The following PMFBP1 variants were observed in gnomAD, a reference collection of about 807,000 sequenced individuals.
PMFBP1 encodes polyamine modulated factor 1 binding protein 1.
Under a neutral mutation model 137.8 loss-of-function variants are expected in PMFBP1, and 131 were observed. That is an observed-to-expected ratio of 0.95 (90% confidence interval 0.82 to 1.10). PMFBP1 has a LOEUF of 1.10. PMFBP1 is among the 50% of genes least tolerant of loss of function. The pLI is 0.00. For synonymous variants in PMFBP1, 490 were observed against 450.4 expected, an observed-to-expected ratio of 1.09 and a Z score of -1.11; for missense variants, 1,199 against 1,175.4, an observed-to-expected ratio of 1.02 and a Z score of -0.29.
At chr16:72,137,934 G>A (rs1280744540) in intron 7 of PMFBP1, among the ~76,000 whole-genome samples, 1 of 152,118 alleles carries the variant, frequency 6.6e-6, no homozygotes, top group African/African-American at 2.4e-5. Flanking sequence ...GGGACTCAAA[G>A]CCCCACACTG....
the PMFBP1 span, among the ~76,000 whole-genome samples, chr16:72,203,851 G>T: frequency 1.3e-5 from 2 of 152,172 alleles, no homozygotes; most frequent in African/African-American, 4.8e-5. Flanking sequence ...AATCAAAACA[G>T]AGGGCAATTG....
At chr16:72,117,852 C>G (rs890961444), downstream of PMFBP1, among the ~76,000 whole-genome samples, 3 of 152,232 alleles carry the variant, frequency 2.0e-5, no homozygotes, top group African/African-American at 7.2e-5. Flanking sequence ...TTCCTCCTGT[C>G]TTTAGAGAAA....
chr16:72,207,231 G>A, the PMFBP1 span, among the ~76,000 whole-genome samples: 7 of 152,138 alleles, frequency 4.6e-5, no homozygotes, highest in Non-Finnish European at 8.8e-5. Context: ...CTGCACATGA[G>A]GAGGAGGCTG....
At chr16:72,239,322 T>C in the PMFBP1 span, among the ~76,000 whole-genome samples, 3 of 152,214 alleles carry the variant, frequency 2.0e-5, no homozygotes, top group Non-Finnish European at 4.4e-5. Flanking sequence ...GTTTGTTCTT[T>C]TGTAACCCTT....
At chr16:72,202,482 C>A in the PMFBP1 span, among the ~76,000 whole-genome samples, 1 of 152,140 alleles carries the variant, frequency 6.6e-6, no homozygotes, top group African/African-American at 2.4e-5. Context: ...CTGGCCCTGA[C>A]GTTTTTCTCT....
chr16:72,180,701 T>A (rs1307000658), upstream of PMFBP1, among the ~76,000 whole-genome samples: 1 of 151,880 alleles, frequency 6.6e-6, no homozygotes, highest in Non-Finnish European at 1.5e-5. Flanking sequence ...GCCCTCTGTA[T>A]GTGTTGTAGT....
chr16:72,151,668 G>A (rs1453107579), intron 4 of PMFBP1, among the ~76,000 whole-genome samples: 1 of 152,192 alleles, frequency 6.6e-6, no homozygotes, highest in Non-Finnish European at 1.5e-5. Flanking sequence ...TCTGTCATTT[G>A]AGATTCTTCT....
chr16:72,121,913 C>T (rs558309355), intron 19 of PMFBP1, among the ~76,000 whole-genome samples: 26 of 152,222 alleles, frequency 1.7e-4, no homozygotes, highest in Middle Eastern at 3.4e-3. Context: ...TTTATTTTCA[C>T]TTTTAGTTTA....
At chr16:72,141,741 T>C (rs1286411021) in intron 5 of PMFBP1, among the ~76,000 whole-genome samples, 1 of 152,136 alleles carries the variant, frequency 6.6e-6, no homozygotes, top group East Asian at 1.9e-4. Context: ...TGAATACTTT[T>C]GTACATAAAT....
chr16:72,231,431 T>C, the PMFBP1 span, among the ~76,000 whole-genome samples: 1 of 152,078 alleles, frequency 6.6e-6, no homozygotes, highest in East Asian at 1.9e-4. Context: ...TGCCTGAAGG[T>C]TAAAGGGAAA....
At chr16:72,154,169 A>C (rs2042947235) in intron 4 of PMFBP1, 42 bp downstream of exon 4, 3 of 1,601,378 alleles carry the variant, frequency 1.9e-6, no homozygotes, top group Non-Finnish European at 1.7e-6. Context: ...TTCTGCAGGT[A>C]CCTAAGAATG....
chr16:72,122,451 A>T (rs567199200), intron 19 of PMFBP1, among the ~76,000 whole-genome samples: 2 of 152,286 alleles, frequency 1.3e-5, no homozygotes, highest in East Asian at 3.9e-4. Context: ...AGCTTTGACC[A>T]TGAGGGGAAG....
chr16:72,203,700 G>A, the PMFBP1 span, among the ~76,000 whole-genome samples: 1 of 152,084 alleles, frequency 6.6e-6, no homozygotes, highest in Admixed American at 6.6e-5. Context: ...AGTTTCCTTG[G>A]TGCCCTGGTG....
the PMFBP1 span, among the ~76,000 whole-genome samples, chr16:72,200,910 T>C: frequency 6.6e-6 from 1 of 151,918 alleles, no homozygotes; most frequent in Admixed American, 6.6e-5. Flanking sequence ...AGAAAGGGAG[T>C]TGCCTGCTGT....
the PMFBP1 span, among the ~76,000 whole-genome samples, chr16:72,192,187 A>T: frequency 2.9e-4 from 44 of 152,246 alleles, no homozygotes; most frequent in Admixed American, 1.4e-3. Context: ...GGAAGGAGAG[A>T]GAAAGAAAGA....
At chr16:72,174,759 C>T (rs1335651888), upstream of PMFBP1, among the ~76,000 whole-genome samples, 1 of 152,166 alleles carries the variant, frequency 6.6e-6, no homozygotes, top group Non-Finnish European at 1.5e-5. Context: ...ACCATCAGAT[C>T]TCGTGAGAAC....
chr16:72,238,618 G>C, the PMFBP1 span, among the ~76,000 whole-genome samples: 1 of 152,082 alleles, frequency 6.6e-6, no homozygotes, highest in Non-Finnish European at 1.5e-5. Flanking sequence ...TGAGCTTTCA[G>C]ACTTCTGTGG....
the PMFBP1 span, among the ~76,000 whole-genome samples, chr16:72,242,950 T>C: frequency 6.6e-6 from 1 of 152,198 alleles, no homozygotes. Flanking sequence ...TGGGTGGGTA[T>C]AACAGGGTGA....
At chr16:72,220,155 T>C in the PMFBP1 span, among the ~76,000 whole-genome samples, 1 of 152,248 alleles carries the variant, frequency 6.6e-6, no homozygotes, top group Non-Finnish European at 1.5e-5. Context: ...AAAAGAATTA[T>C]ACTCTTTAAA....
Sources: gnomAD v4.1 joint callset for allele counts (sites outside exome capture counted in the v4.1 genomes callset) on GRCh38, gnomAD v4.1.1 for gene constraint, MANE v1.5 for transcripts, NCBI Gene and HGNC (gene_info 2026-07-23, HGNC 2026-07-21) for gene names.